ZNF44: variants seen among roughly 807,000 people sequenced by gnomAD.
ZNF44 encodes zinc finger protein 44.
In ZNF44, 9 loss-of-function variants were observed where a neutral mutation model predicts 11.7. The observed-to-expected ratio is 0.77, with a 90% CI of 0.46 to 1.35. ZNF44 has a LOEUF of 1.35. ZNF44 is among the 40% of genes most tolerant of loss of function. The pLI is 0.00. For missense variants in ZNF44, 696 were observed against 743.1 expected, an observed-to-expected ratio of 0.94 and a Z score of 0.74; for synonymous variants, 224 against 242.7, an observed-to-expected ratio of 0.92 and a Z score of 0.72.
At chr19:12,236,910 A>T (rs897114517) in intron 1 of ZNF44, among the ~76,000 whole-genome samples, 1 of 152,202 alleles carries the variant, frequency 6.6e-6, no homozygotes, top group African/African-American at 2.4e-5. Flanking sequence ...TTGACAGACC[A>T]AATAAGGCGA....
Position 12,272,930 on chromosome 19 carries a change from GTT to G in ZNF44, c.1323_1324del (p.Thr444TrpfsTer6), listed in dbSNP as rs760046233. The G allele has an allele frequency of 6.2e-7, 1 of 1,613,870 alleles. No individual in the cohort carries two copies. Among genetic ancestry groups the G allele is most frequent in the Non-Finnish European group, 8.5e-7 (1 of 1,180,002 alleles). ...TTTATAGGGTTGCTCTCCAGTGTGT[GTT>G]GTTTCATGTTTTCGAAGGGAACTGG... is the stretch of plus-strand genomic sequence containing the variant. On this transcript the variant is annotated frameshift_variant, in exon 4 of 4. Coordinates refer to ENST00000355684, the MANE Select transcript of ZNF44 (RefSeq NM_016264.4). LOFTEE classifies it low-confidence loss of function (END_TRUNC).
At chr19:12,225,453 G>A (rs190497536), downstream of ZNF44, among the ~76,000 whole-genome samples, 618 of 152,104 alleles carry the variant, frequency 4.1e-3, 4 homozygotes, top group Non-Finnish European at 5.5e-3. Context: ...TTTTAATAGC[G>A]CTTTTTACTA....
At chr19:12,281,694 G>C (rs1967480971) in intron 1 of ZNF44, among the ~76,000 whole-genome samples, 1 of 152,028 alleles carries the variant, frequency 6.6e-6, no homozygotes, top group Admixed American at 6.6e-5. Flanking sequence ...AGAAAAAAGA[G>C]GAGCCATCAC....
At chr19:12,241,471 C>T (rs1916611786), upstream of ZNF44, among the ~76,000 whole-genome samples, 1 of 152,206 alleles carries the variant, frequency 6.6e-6, no homozygotes, top group Non-Finnish European at 1.5e-5. Flanking sequence ...GGGTGGATCA[C>T]CAGAGGTCAG....
rs193023515 is a variant in ZNF44, at chr19:12,252,974, G to A, written c.1913-2606C>T. On this transcript the variant is annotated intron_variant and NMD_transcript_variant, in intron 5 of 7. Coordinates refer to the ZNF44 transcript ENST00000393337. ...ACAATCTTGGCTCACTGCAACCTCCGCCTCCAGGGTTTAAGCGATTCTCCT... is the reference window on the plus strand; with the variant it reads ...ACAATCTTGGCTCACTGCAACCTCCACCTCCAGGGTTTAAGCGATTCTCCT... Among the ~76,000 whole-genome samples the A allele has an allele frequency of 1.1e-4, 14 of 127,436 alleles. No homozygotes were observed. In the Admixed American group the frequency reaches 1.1e-3, roughly 10 times the overall value. The allele number at this position is 127,436 out of a possible 152,430, so 83.6% of individuals were successfully genotyped here. A position where few individuals can be genotyped will look rare whatever the true frequency, so the allele number is the denominator to read the frequency against.
intron 5 of ZNF44, chr19:12,266,388 G>A: frequency 2.1e-6 from 2 of 969,328 alleles, no homozygotes; most frequent in Non-Finnish European, 1.2e-6. Context: ...CAGAGAAGCC[G>A]AGAGCGACCC....
At chr19:12,267,830 TGTC>T (rs1917788071), downstream of ZNF44, among the ~76,000 whole-genome samples, 1 of 131,428 alleles carries the variant, frequency 7.6e-6, no homozygotes, top group African/African-American at 3.4e-5. Context: ...CTTGACAGAT[TGTC>T]TTTTTTTTTT....
At chr19:12,250,703 C>T (rs1363405369) in intron 5 of ZNF44, 1 of 447,170 alleles carries the variant, frequency 2.2e-6, no homozygotes, top group Non-Finnish European at 4.5e-6. Flanking sequence ...TCTTATACAT[C>T]ACATCACTCA....
At chr19:12,234,506 G>T (rs1281066181) in intron 2 of ZNF44, among the ~76,000 whole-genome samples, 1 of 152,140 alleles carries the variant, frequency 6.6e-6, no homozygotes, top group Non-Finnish European at 1.5e-5. Flanking sequence ...CATTTAGAAA[G>T]CATGGAAAAA....
chr19:12,281,218 A>G (rs1967462914), intron 1 of ZNF44, among the ~76,000 whole-genome samples: 1 of 152,204 alleles, frequency 6.6e-6, no homozygotes, highest in South Asian at 2.1e-4. Context: ...ACACTTGAAC[A>G]AATTTTTTAA....
downstream of ZNF44, among the ~76,000 whole-genome samples, chr19:12,246,854 A>C (rs764380239): frequency 6.6e-6 from 1 of 150,454 alleles, no homozygotes; most frequent in Admixed American, 6.6e-5. Flanking sequence ...GGCAAGACCC[A>C]TCTCAAAAAA....
At chr19:12,261,222 G>A (rs1347187236) in intron 5 of ZNF44, among the ~76,000 whole-genome samples, 6 of 152,254 alleles carry the variant, frequency 3.9e-5, no homozygotes. Flanking sequence ...ACAGAGGAAG[G>A]ATGCCCAGGC....
At chr19:12,290,747 AAAG>A (rs1260496092) in intron 1 of ZNF44, among the ~76,000 whole-genome samples, 1 of 152,042 alleles carries the variant, frequency 6.6e-6, no homozygotes, top group Non-Finnish European at 1.5e-5. Flanking sequence ...AATTTTAAAA[AAAG>A]CTCCTCCCAT....
intron 1 of ZNF44, among the ~76,000 whole-genome samples, chr19:12,288,740 AGAGT>A (rs1967861976): frequency 1.4e-5 from 2 of 141,202 alleles, no homozygotes; most frequent in Non-Finnish European, 3.0e-5. Flanking sequence ...CCTGGGACAA[AGAGT>A]GAGACTCCGT....
chr19:12,282,557 G>A (rs558720011), intron 1 of ZNF44, among the ~76,000 whole-genome samples: 1 of 151,948 alleles, frequency 6.6e-6, no homozygotes, highest in African/African-American at 2.4e-5. Flanking sequence ...GAGCAGCTGG[G>A]ATTATAGGTG....
chr19:12,268,415 G>T (rs1052904098), downstream of ZNF44, among the ~76,000 whole-genome samples: 1 of 151,996 alleles, frequency 6.6e-6, no homozygotes, highest in African/African-American at 2.4e-5. Flanking sequence ...GATTATTTCT[G>T]GTCTCTCTAT....
At chr19:12,280,858 G>T (rs1327953607) in intron 1 of ZNF44, among the ~76,000 whole-genome samples, 1 of 151,898 alleles carries the variant, frequency 6.6e-6, no homozygotes, top group Non-Finnish European at 1.5e-5. Context: ...AAGGGATAGA[G>T]AGATTTCATA....
chr19:12,269,677 G>A (rs1966894751), downstream of ZNF44, among the ~76,000 whole-genome samples: 1 of 152,150 alleles, frequency 6.6e-6, no homozygotes, highest in Admixed American at 6.5e-5. Flanking sequence ...AGTTATAAAT[G>A]TTATAACATT....
intron 3 of ZNF44, among the ~76,000 whole-genome samples, chr19:12,229,833 C>T (rs112468620): frequency 1.2e-4 from 18 of 152,068 alleles, no homozygotes; most frequent in African/African-American, 4.3e-4. Flanking sequence ...AGGATGGTCT[C>T]GATCTCCTGA....
Sources: allele counts gnomAD v4.1 joint callset (sites outside exome capture counted in the v4.1 genomes callset), GRCh38; gene constraint gnomAD v4.1.1; transcripts MANE v1.5; gene names NCBI Gene and HGNC (gene_info 2026-07-23, HGNC 2026-07-21).